The following ANKRD36C variants were observed in gnomAD, a reference collection of about 807,000 sequenced individuals.
ANKRD36C encodes ankyrin repeat domain 36C, also known as ankyrin repeat domain-containing protein 36C.
Under a neutral mutation model 276.4 loss-of-function variants are expected in ANKRD36C, and 61 were observed. The observed-to-expected ratio is 0.22, with a 90% confidence interval of 0.18 to 0.27. The LOEUF is 0.27. Ranked by LOEUF, ANKRD36C falls within the 10% of genes least tolerant of loss-of-function variation. ANKRD36C has a pLI of 1.00. For missense variants in ANKRD36C, 1,447 were observed against 2,032.3 expected, an observed-to-expected ratio of 0.71 and a Z score of 5.54; for synonymous variants, 483 against 680.1, an observed-to-expected ratio of 0.71 and a Z score of 4.51.
At chr2:95,852,013 T>C in intron 65 of ANKRD36C, 113 bp downstream of exon 85, 1 of 1,265,904 alleles carries the variant, frequency 7.9e-7, no homozygotes. Context: ...AGATGAAACT[T>C]TTTTGGCTTC....
intron 42 of ANKRD36C, among the ~76,000 whole-genome samples, chr2:95,910,153 C>G (rs1340309215): frequency 2.6e-5 from 4 of 151,218 alleles, no homozygotes; most frequent in Non-Finnish European, 4.4e-5. Context: ...CATATATCTT[C>G]TTCCCAACTT....
At chr2:95,887,827 T>C in intron 50 of ANKRD36C, 98 bp downstream of exon 70, 1 of 1,403,368 alleles carries the variant, frequency 7.1e-7, no homozygotes. Context: ...TGAATCAGAA[T>C]GTGCAGTTTT....
At chr2:95,869,807 C>T (rs1185878468) in intron 59 of ANKRD36C, among the ~76,000 whole-genome samples, 1 of 152,242 alleles carries the variant, frequency 6.6e-6, no homozygotes, top group African/African-American at 2.4e-5. Flanking sequence ...TTACTCCCAC[C>T]CTAATACTGC....
At chr2:95,919,114 G>A (rs1046395949) in intron 34 of ANKRD36C, among the ~76,000 whole-genome samples, 6 of 136,730 alleles carry the variant, frequency 4.4e-5, no homozygotes, top group African/African-American at 1.5e-4. Flanking sequence ...ATTGTTTCCT[G>A]CTTCCAGTAG....
chr2:95,857,521 C>G (rs1316504658), intron 61 of ANKRD36C, 29 bp from the exon 82 acceptor site: 2 of 1,536,020 alleles, frequency 1.3e-6, no homozygotes, highest in African/African-American at 1.4e-5. Context: ...TAGAATTTAT[C>G]TTATCAGTGA....
At chr2:95,861,260 T>C (rs889941755) in intron 60 of ANKRD36C, among the ~76,000 whole-genome samples, 3 of 151,624 alleles carry the variant, frequency 2.0e-5, no homozygotes, top group African/African-American at 7.3e-5. Flanking sequence ...ATAAAAACTA[T>C]AGTGGATGGA....
chr2:95,892,159 T>C (rs1676386785), intron 44 of ANKRD36C, among the ~76,000 whole-genome samples: 1 of 151,540 alleles, frequency 6.6e-6, no homozygotes, highest in African/African-American at 2.4e-5. Flanking sequence ...GACAAAGTGA[T>C]CTAAAATCAG....
intron 1 of ANKRD36C, among the ~76,000 whole-genome samples, chr2:95,987,730 T>C (rs1163329677): frequency 6.7e-6 from 1 of 149,754 alleles, no homozygotes; most frequent in Non-Finnish European, 1.5e-5. Flanking sequence ...CACGACATTC[T>C]CCTGCCTCAG....
rs1244116496 is a variant in ANKRD36C at position 95,919,662 on chromosome 2, G to C, written c.2246-1620C>G. ...CGACTCCCCCCACCCACCCTCCGCT[G>C]ATTTATTCGGGATAGAGAAGTTCTT... On this transcript the variant is annotated intron_variant, in intron 34 of 66. Coordinates refer to ENST00000456556, the Ensembl canonical transcript of ANKRD36C. The C allele has an allele frequency of 3.3e-5, 20 of 607,710 alleles. 4 individuals are homozygous for C. Among genetic ancestry groups the C allele is most frequent in the Non-Finnish European group, 3.0e-5 (15 of 492,806 alleles). 37.6% of individuals were successfully genotyped at this position (607,710 alleles called of 1,614,324 possible). A position where few individuals can be genotyped will look rare whatever the true frequency, so the allele number is the denominator to read the frequency against.
chr2:95,890,035 A>G (rs775569248), intron 46 of ANKRD36C, 41 bp from the exon 67 acceptor site: 2 of 1,593,354 alleles, frequency 1.3e-6, no homozygotes, highest in African/African-American at 1.3e-5. Flanking sequence ...ATACGTAAAT[A>G]TGATAAAGTT....
intron 59 of ANKRD36C, among the ~76,000 whole-genome samples, chr2:95,875,007 A>C (rs140562818): frequency 0.049 from 7,433 of 152,266 alleles, 253 homozygotes; most frequent in Non-Finnish European, 0.073. Context: ...TTAGGATGGC[A>C]ATCATTAAAA....
Position 95,958,172 on chromosome 2 carries a change from C to T in ANKRD36C, c.1105+419G>A, listed in dbSNP as rs537701687. Among the ~76,000 whole-genome samples the T allele has an allele frequency of 1.2e-4, 18 of 152,210 alleles. No homozygotes were observed. The East Asian group carries it at 3.3e-3, about 28-fold the overall frequency. On this transcript the variant is annotated intron_variant, in intron 12 of 66. Transcript: ENST00000456556. The stretch of plus-strand genomic sequence containing the variant: ...AATTACTACATCAGTGGTCTCATTA[C>T]TTCTCGTTCTATAGTTTTTATGGCT...
At chr2:95,911,035 G>A (rs529923537) in intron 42 of ANKRD36C, among the ~76,000 whole-genome samples, 39 of 151,540 alleles carry the variant, frequency 2.6e-4, no homozygotes, top group Admixed American at 2.3e-3. Context: ...ACACAATTGC[G>A]ACGATACTTC....
chr2:95,986,389 CT>C (rs1461656773), intron 3 of ANKRD36C, among the ~76,000 whole-genome samples: 1 of 152,068 alleles, frequency 6.6e-6, no homozygotes, highest in Non-Finnish European at 1.5e-5. Flanking sequence ...AAAATAAAGC[CT>C]ATTTATAAGG....
intron 34 of ANKRD36C, among the ~76,000 whole-genome samples, chr2:95,921,196 T>A (rs1481606383): frequency 6.6e-6 from 1 of 150,686 alleles, no homozygotes; most frequent in Non-Finnish European, 1.5e-5. Flanking sequence ...TTCTACAGTG[T>A]CTATGGGTTA....
chr2:95,923,516 C>T (rs770118992), exon 32 of ANKRD36C: 4 of 1,610,914 alleles, frequency 2.5e-6, no homozygotes, highest in African/African-American at 2.7e-5. Context: ...TGTAGTCCAT[C>T]CTTTATTTCT....
chr2:95,852,107 G>A lies in ANKRD36C; in HGVS notation c.5219+19C>T, dbSNP rs200117624. On this transcript the variant is annotated intron_variant, in intron 65 of 66. Transcript: ENST00000456556. ...TTTATAAATACTCAAGTTATTTTGT[G>A]TGCTGCTTCAAATTTTACTTTTGTG... 395 of 1,599,440 alleles carry A rather than the reference G, an allele frequency of 2.5e-4. 1 individual carries two copies. The highest frequency in any genetic ancestry group is 2.3e-4 in the Middle Eastern group (1 of 4,436).
intron 60 of ANKRD36C, among the ~76,000 whole-genome samples, chr2:95,864,474 G>A (rs1675645670): frequency 6.6e-6 from 1 of 151,674 alleles, no homozygotes; most frequent in African/African-American, 2.4e-5. Context: ...AAAACTGAAT[G>A]CATTTCCCAT....
rs1573748479 is a variant in ANKRD36C at position 95,895,686 on chromosome 2, C to T, written c.2755+3459G>A. ...GTTAGCATCAACCTCTGTCCTCCTG[C>T]CTGTATTAGTGGAGGCTTTCATGGC... On this transcript the variant is annotated intron_variant, in intron 44 of 66. Coordinates refer to ENST00000456556, the Ensembl canonical transcript of ANKRD36C. 6 of 1,544,030 alleles carry T rather than the reference C, an allele frequency of 3.9e-6. No homozygotes were observed. The East Asian group carries it at 1.2e-4, about 31-fold the overall frequency.
Sources: gnomAD v4.1 joint callset for allele counts (sites outside exome capture counted in the v4.1 genomes callset) on GRCh38, gnomAD v4.1.1 for gene constraint, MANE v1.5 for transcripts, NCBI Gene and HGNC (gene_info 2026-07-23, HGNC 2026-07-21) for gene names.